The following LDLRAD4 variants were observed in gnomAD, a reference collection of about 807,000 sequenced individuals.
LDLRAD4 encodes the protein low density lipoprotein receptor class A domain containing 4.
LDLRAD4 carries 5 observed loss-of-function variants against 17.0 expected under a neutral mutation model. The ratio of observed to expected loss-of-function variants is 0.29; its 90% confidence interval spans 0.15 to 0.62. LDLRAD4 has a LOEUF of 0.62. Ranked by LOEUF, LDLRAD4 falls within the 20% of genes least tolerant of loss-of-function variation. LDLRAD4 has a pLI of 0.84. For missense variants in LDLRAD4, 340 were observed against 424.7 expected, an observed-to-expected ratio of 0.80 and a Z score of 1.75; for synonymous variants, 168 against 171.8, an observed-to-expected ratio of 0.98 and a Z score of 0.17.
chr18:13,311,378 C>T (rs761160913), intron 1 of LDLRAD4, among the ~76,000 whole-genome samples: 5 of 152,190 alleles, frequency 3.3e-5, no homozygotes, highest in Non-Finnish European at 5.9e-5. Flanking sequence ...ATCCTGGTGG[C>T]GGTGTTGCGG....
chr18:13,527,691 C>T lies in LDLRAD4; in HGVS notation c.181+89307C>T, dbSNP rs897414130. ...GAGAGAGCTCCGCTGGAGGGAGAAA[C>T]GAGGCAGAGTGTGAGAGCAAAGGAG... On this transcript the variant is annotated intron_variant, in intron 3 of 5. Transcript: ENST00000359446. Among the ~76,000 whole-genome samples the T allele has an allele frequency of 7.2e-5, 11 of 152,230 alleles. No homozygotes were observed. In the East Asian group the frequency reaches 7.7e-4, roughly 11 times the overall value.
intron 3 of LDLRAD4, among the ~76,000 whole-genome samples, chr18:13,532,948 G>A (rs890480726): frequency 2.0e-5 from 3 of 152,328 alleles, no homozygotes; most frequent in South Asian, 4.1e-4. Flanking sequence ...TAGCAATGTC[G>A]GGTTTTCTGA....
intron 1 of LDLRAD4, among the ~76,000 whole-genome samples, chr18:13,289,041 T>G (rs1405346175): frequency 6.6e-6 from 1 of 152,208 alleles, no homozygotes; most frequent in Non-Finnish European, 1.5e-5. Context: ...CTGGGGACTT[T>G]TAGAAACACC....
chr18:13,323,201 A>T (rs764863919), intron 1 of LDLRAD4, among the ~76,000 whole-genome samples: 4 of 152,210 alleles, frequency 2.6e-5, no homozygotes, highest in African/African-American at 4.8e-5. Flanking sequence ...TATCCATTTC[A>T]CTTTTCTGCA....
intron 3 of LDLRAD4, among the ~76,000 whole-genome samples, chr18:13,576,581 G>A (rs1225218737): frequency 6.6e-6 from 1 of 152,196 alleles, no homozygotes; most frequent in African/African-American, 2.4e-5. Flanking sequence ...AATTAAATAA[G>A]CTTAGGAGCT....
At chr18:13,421,272 G>A (rs1372049386) in intron 2 of LDLRAD4, 1 of 152,308 alleles carries the variant, frequency 6.6e-6, no homozygotes, top group African/African-American at 2.4e-5. Context: ...CCTGGGCTGT[G>A]TGGGAGCCAG....
At chr18:13,345,791 C>A (rs989682089) in intron 1 of LDLRAD4, among the ~76,000 whole-genome samples, 8 of 152,104 alleles carry the variant, frequency 5.3e-5, no homozygotes, top group Non-Finnish European at 1.2e-4. Context: ...TCAACTTCTT[C>A]CTGGTTTAGT....
At chr18:13,567,752 T>TAAA (rs3833176) in intron 3 of LDLRAD4, among the ~76,000 whole-genome samples, 87 of 150,194 alleles carry the variant, frequency 5.8e-4, no homozygotes, top group Middle Eastern at 3.5e-3. Flanking sequence ...CTTTTTTTGT[T>TAAA]AAAAAAAAAA....
At chr18:13,251,230 A>G (rs1194536560) in intron 1 of LDLRAD4, among the ~76,000 whole-genome samples, 1 of 152,232 alleles carries the variant, frequency 6.6e-6, no homozygotes, top group Admixed American at 6.5e-5. Context: ...ATGTACCTCA[A>G]CACAATAAGG....
intron 1 of LDLRAD4, among the ~76,000 whole-genome samples, chr18:13,354,988 A>G (rs1156539811): frequency 6.6e-6 from 1 of 152,168 alleles, no homozygotes; most frequent in East Asian, 1.9e-4. Flanking sequence ...GGATGCCTGA[A>G]GGGAAATGAA....
chr18:13,360,421 C>T (rs913126405), intron 1 of LDLRAD4, among the ~76,000 whole-genome samples: 2 of 152,308 alleles, frequency 1.3e-5, no homozygotes, highest in East Asian at 1.9e-4. Flanking sequence ...GATAAAGCAG[C>T]GCTCACCTGC....
At chr18:13,596,741 A>G (rs983345367) in intron 3 of LDLRAD4, among the ~76,000 whole-genome samples, 8 of 152,178 alleles carry the variant, frequency 5.3e-5, no homozygotes, top group Admixed American at 5.2e-4. Flanking sequence ...TTAGCCTTCT[A>G]ATTTACCTTT....
chr18:13,437,459 A>G (rs1245417566), intron 2 of LDLRAD4, among the ~76,000 whole-genome samples: 1 of 152,234 alleles, frequency 6.6e-6, no homozygotes, highest in Non-Finnish European at 1.5e-5. Flanking sequence ...ATGGATAGTA[A>G]TGTGTTAAGT....
chr18:13,360,443 C>A (rs2083595702), intron 1 of LDLRAD4, among the ~76,000 whole-genome samples: 1 of 152,150 alleles, frequency 6.6e-6, no homozygotes, highest in African/African-American at 2.4e-5. Flanking sequence ...ATGATCCTGG[C>A]TAGTTTTCAC....
chr18:13,526,819 G>C (rs374272585), intron 3 of LDLRAD4: 16 of 152,384 alleles, frequency 1.0e-4, no homozygotes, highest in African/African-American at 3.9e-4. Context: ...CAGCAGACAC[G>C]GTGTGAACTA....
chr18:13,407,771 C>T lies in LDLRAD4; in HGVS notation c.40+20009C>T, dbSNP rs1478533967. 2.6e-5 allele frequency among the ~76,000 whole-genome samples: 4 copies of T among 152,226 alleles called. No homozygotes were observed. The East Asian group carries it at 7.7e-4, about 29-fold the overall frequency. On this transcript the variant is annotated intron_variant, in intron 2 of 5. Coordinates refer to ENST00000359446, the Ensembl canonical transcript of LDLRAD4. ...GTCTGCCTTGGAGATATTTTCTTCA[C>T]AGCCCTCACCATTGCTTTTAATGAC... is the stretch of plus-strand genomic sequence containing the variant.
chr18:13,282,302 TAACTC>T (rs2045330737), intron 1 of LDLRAD4, among the ~76,000 whole-genome samples: 1 of 152,192 alleles, frequency 6.6e-6, no homozygotes, highest in South Asian at 2.1e-4. Context: ...CCCAAAGTCT[TAACTC>T]ATTTCAGCAT....
chr18:13,612,740 G>C (rs756331751), intron 3 of LDLRAD4: 14 of 1,613,756 alleles, frequency 8.7e-6, no homozygotes, highest in South Asian at 3.3e-5. Context: ...GCACACTGAA[G>C]GAGGCTCAGT....
intron 4 of LDLRAD4, among the ~76,000 whole-genome samples, chr18:13,637,976 G>A (rs1260162764): frequency 1.0e-4 from 2 of 19,396 alleles, no homozygotes; most frequent in African/African-American, 1.9e-4. Flanking sequence ...AGAGCTACCT[G>A]TTTGCTGAAG....
Sources: gnomAD v4.1 joint callset for allele counts (sites outside exome capture counted in the v4.1 genomes callset) on GRCh38, gnomAD v4.1.1 for gene constraint, MANE v1.5 for transcripts, NCBI Gene and HGNC (gene_info 2026-07-23, HGNC 2026-07-21) for gene names.